BICD1: variants seen among roughly 807,000 people sequenced by gnomAD.
BICD1 encodes BICD cargo adaptor 1.
A neutral mutation model predicts 92.5 loss-of-function variants in BICD1; 35 were observed. That is an observed-to-expected ratio of 0.38 (90% CI 0.29 to 0.50). BICD1 has a LOEUF of 0.50. BICD1 is among the 20% of genes least tolerant of loss of function. BICD1 has a pLI of 0.93. For missense variants in BICD1, 950 were observed against 1,189.8 expected (o/e 0.80, Z 2.97); for synonymous variants, 429 against 465.1 (o/e 0.92, Z 1.00).
chr12:32,277,634 A>G (rs559740656), intron 2 of BICD1, among the ~76,000 whole-genome samples: 1 of 152,348 alleles, frequency 6.6e-6, no homozygotes. Flanking sequence ...ACTCTGGATC[A>G]GAATGATCTC....
At chr12:32,317,205 C>T (rs1033865316) in intron 4 of BICD1, among the ~76,000 whole-genome samples, 1 of 152,082 alleles carries the variant, frequency 6.6e-6, no homozygotes, top group African/African-American at 2.4e-5. Flanking sequence ...GATTTATAAT[C>T]CTTTGGGTAT....
intron 4 of BICD1, among the ~76,000 whole-genome samples, chr12:32,308,455 G>C (rs1948289296): frequency 6.6e-6 from 1 of 152,320 alleles, no homozygotes; most frequent in African/African-American, 2.4e-5. Flanking sequence ...AGGTTTATGA[G>C]TTATATGCAG....
rs1431976344 is a variant in BICD1, at chr12:32,229,829, C to A, written c.426+13370C>A. Among the ~76,000 whole-genome samples, 3 of 152,050 alleles carry A rather than the reference C, an allele frequency of 2.0e-5. No homozygotes were observed. The East Asian group carries it at 5.8e-4, about 29-fold the overall frequency. On this transcript the variant is annotated intron_variant, in intron 2 of 9. Coordinates refer to ENST00000652176, the MANE Select transcript of BICD1 (RefSeq NM_001714.4). Reference sequence around the variant, plus strand: ...ATGGAAGAAATAACATTTGTGAATGCTAATGGCCATGACCCCATAAAGTGG... The same window carrying A: ...ATGGAAGAAATAACATTTGTGAATGATAATGGCCATGACCCCATAAAGTGG...
rs143598820 is a variant in BICD1, at chr12:32,321,055, G to C, written c.1006-6406G>C. ...TCTAAAACAATTTAGGCCAGGTACA[G>C]TGGCTCACGCCTGTAATCCCAGCAC... On this transcript the variant is annotated intron_variant, in intron 4 of 9. Coordinates refer to ENST00000652176, the MANE Select transcript of BICD1 (RefSeq NM_001714.4). Among the ~76,000 whole-genome samples, 1,201 of 152,294 alleles carry C rather than the reference G, an allele frequency of 7.9e-3. 16 individuals carry two copies. Among genetic ancestry groups the C allele is most frequent in the African/African-American group, 0.027 (1,142 of 41,550 alleles).
chr12:32,356,210 G>A (rs796919440), intron 8 of BICD1, among the ~76,000 whole-genome samples: 1 of 152,254 alleles, frequency 6.6e-6, no homozygotes, highest in African/African-American at 2.4e-5. Flanking sequence ...GAAAAACTGA[G>A]GCTAAGAACA....
chr12:32,222,715 C>T (rs547215643), intron 2 of BICD1, among the ~76,000 whole-genome samples: 3 of 152,182 alleles, frequency 2.0e-5, no homozygotes, highest in African/African-American at 4.8e-5. Flanking sequence ...ATTAAGAAGT[C>T]GGGCCCTTAG....
intron 2 of BICD1, among the ~76,000 whole-genome samples, chr12:32,274,110 TAAG>T (rs1161804629): frequency 1.3e-5 from 2 of 152,208 alleles, no homozygotes; most frequent in Admixed American, 1.3e-4. Flanking sequence ...GGGACCTTGG[TAAG>T]AAGAGTTCTT....
chr12:32,166,376 T>C (rs1943772802), intron 1 of BICD1, among the ~76,000 whole-genome samples: 1 of 152,084 alleles, frequency 6.6e-6, no homozygotes, highest in Admixed American at 6.6e-5. Flanking sequence ...CTTCAGGTGA[T>C]CCACCTGCCT....
chr12:32,320,688 A>C (rs1438274519), intron 4 of BICD1, among the ~76,000 whole-genome samples: 1 of 151,668 alleles, frequency 6.6e-6, no homozygotes, highest in Non-Finnish European at 1.5e-5. Context: ...TCAGTGAAAT[A>C]AAAAAAAATT....
intron 9 of BICD1, among the ~76,000 whole-genome samples, chr12:32,370,919 G>A (rs1939714600): frequency 6.6e-6 from 1 of 152,116 alleles, no homozygotes; most frequent in African/African-American, 2.4e-5. Context: ...TGCCCAAACT[G>A]GACTTGAACC....
chr12:32,131,400 A>T (rs1298219790), intron 1 of BICD1, among the ~76,000 whole-genome samples: 1 of 152,184 alleles, frequency 6.6e-6, no homozygotes, highest in Non-Finnish European at 1.5e-5. Context: ...CTGCTCTCTC[A>T]TCGGATGATT....
chr12:32,357,173 G>A (rs1374450975), intron 8 of BICD1, among the ~76,000 whole-genome samples: 5 of 151,750 alleles, frequency 3.3e-5, no homozygotes, highest in Admixed American at 1.3e-4. Context: ...CACCACGCCC[G>A]GATAATTTTT....
At chr12:32,204,778 A>G (rs1945000530) in intron 1 of BICD1, among the ~76,000 whole-genome samples, 1 of 152,206 alleles carries the variant, frequency 6.6e-6, no homozygotes, top group Non-Finnish European at 1.5e-5. Flanking sequence ...CAGCAAACTC[A>G]CAGAAGACGA....
chr12:32,182,073 T>A (rs1342534231), intron 1 of BICD1, among the ~76,000 whole-genome samples: 1 of 151,906 alleles, frequency 6.6e-6, no homozygotes, highest in Non-Finnish European at 1.5e-5. Flanking sequence ...CTACCTGAAT[T>A]TATTCCATTG....
intron 2 of BICD1, among the ~76,000 whole-genome samples, chr12:32,273,006 C>T (rs1170606623): frequency 1.3e-5 from 2 of 152,162 alleles, no homozygotes; most frequent in African/African-American, 4.8e-5. Flanking sequence ...AAATGTTTCT[C>T]ATTGCTCTGG....
intron 1 of BICD1, among the ~76,000 whole-genome samples, chr12:32,194,650 G>C (rs984304729): frequency 6.6e-6 from 1 of 152,166 alleles, no homozygotes; most frequent in Admixed American, 6.5e-5. Context: ...GGGAGGCCGA[G>C]GGGGGTGGAT....
chr12:32,233,322 T>TAAAAAAAAAA (rs1555152907), intron 2 of BICD1, among the ~76,000 whole-genome samples: 21 of 127,082 alleles, frequency 1.7e-4, no homozygotes, highest in Admixed American at 4.2e-4. Flanking sequence ...AGTCTGTCTT[T>TAAAAAAAAAA]AAAAAAAAAA....
At chr12:32,269,276 G>T in intron 2 of BICD1, among the ~76,000 whole-genome samples, 1 of 152,166 alleles carries the variant, frequency 6.6e-6, no homozygotes, top group East Asian at 1.9e-4. Context: ...TGAATATTTT[G>T]AACTTAAAAT....
At chr12:32,233,217 G>T (rs1007819421) in intron 2 of BICD1, among the ~76,000 whole-genome samples, 2 of 151,064 alleles carry the variant, frequency 1.3e-5, no homozygotes, top group African/African-American at 2.4e-5. Context: ...GGCTACTCTG[G>T]AGGCTGAGAC....
Sources: allele counts gnomAD v4.1 joint callset (sites outside exome capture counted in the v4.1 genomes callset), GRCh38; gene constraint gnomAD v4.1.1; transcripts MANE v1.5; gene names NCBI Gene and HGNC (gene_info 2026-07-23, HGNC 2026-07-21).